The following MEI4 variants were observed in gnomAD, a reference collection of about 807,000 sequenced individuals.
The protein encoded by MEI4 is meiosis-specific protein MEI4.
MEI4 carries 27 observed loss-of-function variants against 31.4 expected under a neutral mutation model. That is an observed-to-expected ratio of 0.86 (90% CI 0.63 to 1.19). MEI4 has a LOEUF of 1.19. MEI4 is among the 50% of genes most tolerant of loss of function. The probability of loss-of-function intolerance (pLI) is 0.00; values close to 1 mark genes in which losing one functional copy is unlikely to be tolerated. For missense variants in MEI4, 329 were observed against 398.9 expected (o/e 0.82, Z 1.49); for synonymous variants, 122 against 145.4 (o/e 0.84, Z 1.16).
rs79903237 is a variant in MEI4 at position 77,912,404 on chromosome 6, T to G, written c.901-10685T>G. 9.2e-3 allele frequency among the ~76,000 whole-genome samples: 1,397 copies of G among 152,198 alleles called. 17 individuals are homozygous for G. Among genetic ancestry groups the G allele is most frequent in the African/African-American group, 0.031 (1,292 of 41,562 alleles). On this transcript the variant is annotated intron_variant, in intron 4 of 4. Coordinates refer to ENST00000684080, the MANE Select transcript of MEI4 (RefSeq NM_001322247.2). Reference sequence around the variant, plus strand: ...AAAGGATTGTATTGAATCTGTAGATTAGAGTAATATGATCATTTCAATGTT... The same window carrying G: ...AAAGGATTGTATTGAATCTGTAGATGAGAGTAATATGATCATTTCAATGTT...
intron 4 of MEI4, among the ~76,000 whole-genome samples, chr6:77,858,901 T>C (rs1160407547): frequency 1.0e-5 from 1 of 99,028 alleles, no homozygotes; most frequent in Non-Finnish European, 2.0e-5. Flanking sequence ...ATTCTTTAGT[T>C]TCTTCTAAAA....
chr6:77,880,577 A>C lies in MEI4; in HGVS notation c.901-42512A>C, dbSNP rs1581947282. On this transcript the variant is annotated intron_variant, in intron 4 of 4. Coordinates refer to ENST00000684080, the MANE Select transcript of MEI4 (RefSeq NM_001322247.2). ...TCTTTCCCAAAGTCTTAAGTTAAAC[A>C]TAAAAGTATGAGCAGAAAGAACAGA... Among the ~76,000 whole-genome samples, 3 of 152,220 alleles carry C rather than the reference A, an allele frequency of 2.0e-5. No individual in the cohort carries two copies. The South Asian group carries it at 6.2e-4, about 31-fold the overall frequency.
chr6:77,883,715 A>AAGATATAT (rs1554172054), intron 4 of MEI4, among the ~76,000 whole-genome samples: 1 of 65,612 alleles, frequency 1.5e-5, no homozygotes, highest in African/African-American at 7.4e-5. Context: ...GCTATTATGT[A>AAGATATAT]AGATATATAT....
intron 3 of MEI4, among the ~76,000 whole-genome samples, chr6:77,789,386 A>C (rs898020588): frequency 6.6e-6 from 1 of 152,230 alleles, no homozygotes; most frequent in African/African-American, 2.4e-5. Context: ...AATGACAACA[A>C]AAGCCAAAAT....
At chr6:77,824,107 T>G (rs9350734) in intron 3 of MEI4, among the ~76,000 whole-genome samples, 8,644 of 152,238 alleles carry the variant, frequency 0.057, 677 homozygotes, top group African/African-American at 0.17. Context: ...CTACATTTTT[T>G]TTGATGGAGT....
At chr6:77,747,884 G>A (rs1767657387) in intron 2 of MEI4, among the ~76,000 whole-genome samples, 1 of 152,212 alleles carries the variant, frequency 6.6e-6, no homozygotes. Flanking sequence ...GGGTACTGGT[G>A]TTGGGTAAAT....
At chr6:77,694,578 C>G (rs1177984802) in intron 2 of MEI4, among the ~76,000 whole-genome samples, 3 of 152,114 alleles carry the variant, frequency 2.0e-5, no homozygotes, top group Admixed American at 2.0e-4. Context: ...CATGTCCCTA[C>G]AAAGGACATG....
intron 2 of MEI4, among the ~76,000 whole-genome samples, chr6:77,710,651 T>C (rs918915080): frequency 6.6e-6 from 1 of 152,218 alleles, no homozygotes; most frequent in African/African-American, 2.4e-5. Flanking sequence ...CTCTTTTGTA[T>C]TGGTAGACTT....
chr6:77,654,060 A>C (rs1768344624), intron 1 of MEI4, among the ~76,000 whole-genome samples: 1 of 152,226 alleles, frequency 6.6e-6, no homozygotes. Context: ...TAAACTGCAA[A>C]GCTGTAGTGC....
chr6:77,835,582 T>G (rs1329082874), intron 4 of MEI4, among the ~76,000 whole-genome samples: 8 of 152,020 alleles, frequency 5.3e-5, no homozygotes, highest in Admixed American at 5.2e-4. Context: ...AATATCTTTT[T>G]AAAAATTACC....
chr6:77,750,011 G>T (rs1426767877), intron 2 of MEI4, among the ~76,000 whole-genome samples: 1 of 152,186 alleles, frequency 6.6e-6, no homozygotes, highest in Admixed American at 6.5e-5. Flanking sequence ...TTCATATCCA[G>T]CCACACTGAG....
intron 2 of MEI4, among the ~76,000 whole-genome samples, chr6:77,713,178 C>T (rs188671606): frequency 6.6e-6 from 1 of 152,116 alleles, no homozygotes; most frequent in African/African-American, 2.4e-5. Flanking sequence ...GATACACACT[C>T]TCCTGTTCTG....
intron 4 of MEI4, among the ~76,000 whole-genome samples, chr6:77,831,240 A>G (rs1278900763): frequency 6.6e-6 from 1 of 151,930 alleles, no homozygotes; most frequent in African/African-American, 2.4e-5. Context: ...AATTAAAAAG[A>G]CAAATAGTAA....
intron 3 of MEI4, among the ~76,000 whole-genome samples, chr6:77,766,635 A>G (rs778372355): frequency 2.0e-5 from 3 of 152,004 alleles, no homozygotes; most frequent in Non-Finnish European, 4.4e-5. Flanking sequence ...GATGATCTCG[A>G]TCTCCTGACC....
chr6:77,760,822 C>T (rs949414374), intron 2 of MEI4, among the ~76,000 whole-genome samples: 11 of 152,174 alleles, frequency 7.2e-5, no homozygotes, highest in African/African-American at 2.7e-4. Flanking sequence ...ACTGTGACCT[C>T]CTTCAGGTCT....
At chr6:77,709,116 C>G (rs1766398228) in intron 2 of MEI4, among the ~76,000 whole-genome samples, 1 of 152,066 alleles carries the variant, frequency 6.6e-6, no homozygotes, top group Non-Finnish European at 1.5e-5. Flanking sequence ...TGGTTTTTCT[C>G]AATTTTCTCA....
At chr6:77,700,856 T>G (rs1192085679) in intron 2 of MEI4, among the ~76,000 whole-genome samples, 1 of 152,174 alleles carries the variant, frequency 6.6e-6, no homozygotes, top group East Asian at 1.9e-4. Context: ...CTAGACTATA[T>G]AGGGGAGGGA....
rs1465282571 is a variant in MEI4, at chr6:77,820,709, G to T, written c.769-8222G>T. Among the ~76,000 whole-genome samples the T allele has an allele frequency of 6.6e-6, 1 of 151,624 alleles. No individual in the cohort carries two copies. The highest frequency in any genetic ancestry group is 2.4e-5 in the African/African-American group (1 of 41,232). On this transcript the variant is annotated intron_variant, in intron 3 of 4. Coordinates refer to ENST00000684080, the MANE Select transcript of MEI4 (RefSeq NM_001322247.2). The surrounding 1 kb of genome is among the most constrained non-coding windows in gnomAD (Gnocchi z 4.5). Reference sequence around the variant, plus strand: ...AATTATAAGCTAATACATATTTTGTGACAGTAGTTTGAAGATACTAGATCA... The same window carrying T: ...AATTATAAGCTAATACATATTTTGTTACAGTAGTTTGAAGATACTAGATCA...
intron 2 of MEI4, among the ~76,000 whole-genome samples, chr6:77,737,437 C>G (rs77592807): frequency 6.6e-6 from 1 of 151,854 alleles, no homozygotes; most frequent in Non-Finnish European, 1.5e-5. Flanking sequence ...AATAAAGGCT[C>G]GGGATATAGC....
Sources: allele counts gnomAD v4.1 joint callset (sites outside exome capture counted in the v4.1 genomes callset), GRCh38; gene constraint gnomAD v4.1.1; non-coding constraint Gnocchi (gnomAD v3.1); transcripts MANE v1.5; gene names NCBI Gene and HGNC (gene_info 2026-07-23, HGNC 2026-07-21).